The following STAU2 variants were observed in gnomAD, a reference collection of about 807,000 sequenced individuals.
STAU2 encodes double-stranded RNA-binding protein Staufen homolog 2.
STAU2 carries 20 observed loss-of-function variants against 65.9 expected under a neutral mutation model. That is an observed-to-expected ratio of 0.30 (90% CI 0.21 to 0.44). The LOEUF is 0.44. Ranked by LOEUF, STAU2 falls within the 20% of genes least tolerant of loss-of-function variation. The probability of loss-of-function intolerance (pLI) is 1.00; values close to 1 mark genes in which losing one functional copy is unlikely to be tolerated. For synonymous variants in STAU2, 232 were observed against 233.9 expected (o/e 0.99, Z 0.07); for missense variants, 558 against 683.9 (o/e 0.82, Z 2.05).
At chr8:73,546,123 CTTT>C (rs71561528) in intron 13 of STAU2, among the ~76,000 whole-genome samples, 993 of 93,304 alleles carry the variant, frequency 0.011, 9 homozygotes, top group African/African-American at 0.038. Flanking sequence ...GTTTGGTTTT[CTTT>C]TTTTTTTTTT....
chr8:73,637,477 TAAA>T (rs60833468), intron 6 of STAU2, among the ~76,000 whole-genome samples: 567 of 57,066 alleles, frequency 9.9e-3, no homozygotes, highest in African/African-American at 0.024. Flanking sequence ...GTGCTGAAAG[TAAA>T]AAAAAAAAAA....
At chr8:73,663,787 T>C (rs57596403) in intron 6 of STAU2, among the ~76,000 whole-genome samples, 30,715 of 152,054 alleles carry the variant, frequency 0.2, 3,462 homozygotes, top group East Asian at 0.37. Context: ...TTTATTAAAT[T>C]TATCTCTGAA....
At chr8:73,682,111 A>G (rs1818472959) in intron 5 of STAU2, among the ~76,000 whole-genome samples, 1 of 152,142 alleles carries the variant, frequency 6.6e-6, no homozygotes. Flanking sequence ...CTTAAACTAT[A>G]CCCTACAACA....
chr8:73,693,192 G>A (rs2130553929), intron 4 of STAU2, among the ~76,000 whole-genome samples: 1 of 151,068 alleles, frequency 6.6e-6, no homozygotes, highest in Non-Finnish European at 1.5e-5. Flanking sequence ...AAAAAAAGTG[G>A]GCTGGGTGCG....
intron 13 of STAU2, among the ~76,000 whole-genome samples, chr8:73,425,425 G>A (rs1369931561): frequency 1.3e-5 from 2 of 152,138 alleles, no homozygotes; most frequent in Non-Finnish European, 2.9e-5. Context: ...TGAGGAGAGG[G>A]GCCTGGGACA....
chr8:73,431,626 T>G (rs1386291802), intron 13 of STAU2, among the ~76,000 whole-genome samples: 1 of 152,172 alleles, frequency 6.6e-6, no homozygotes, highest in Non-Finnish European at 1.5e-5. Context: ...GCCCCACAGG[T>G]TTTAGAACAG....
intron 6 of STAU2, among the ~76,000 whole-genome samples, chr8:73,656,735 C>T (rs1272030490): frequency 6.6e-6 from 1 of 152,176 alleles, no homozygotes; most frequent in Non-Finnish European, 1.5e-5. Context: ...ATGGTAAACA[C>T]CCGCTGTCAA....
At chr8:73,615,327 T>C (rs1309588787) in intron 8 of STAU2, among the ~76,000 whole-genome samples, 1 of 152,158 alleles carries the variant, frequency 6.6e-6, no homozygotes, top group Non-Finnish European at 1.5e-5. Flanking sequence ...TATTAACATG[T>C]ATGTCACTAA....
intron 13 of STAU2, among the ~76,000 whole-genome samples, chr8:73,438,042 C>T (rs1222718278): frequency 6.6e-6 from 1 of 152,212 alleles, no homozygotes; most frequent in Non-Finnish European, 1.5e-5. Context: ...GCCATCCCTT[C>T]TCCACTGGCT....
chr8:73,544,862 G>C (rs1361036697), intron 13 of STAU2, among the ~76,000 whole-genome samples: 1 of 152,190 alleles, frequency 6.6e-6, no homozygotes, highest in African/African-American at 2.4e-5. Context: ...CAGGAGACAG[G>C]ATTTGTGGCC....
At chr8:73,734,120 A>G (rs1351432342) in intron 3 of STAU2, among the ~76,000 whole-genome samples, 1 of 152,064 alleles carries the variant, frequency 6.6e-6, no homozygotes, top group Admixed American at 6.6e-5. Flanking sequence ...ACATAAAAAC[A>G]TACCTGCATA....
rs752544609 is a variant in STAU2 at position 73,688,641 on chromosome 8, G to C, written c.274+13C>G. ...CATAGCAGACAACATAACAGAAGGA[G>C]TCACTGCCATACCTGGGTTATTGTT... On this transcript the variant is annotated intron_variant, in intron 5 of 14. Transcript: ENST00000524300. 6.2e-7 allele frequency: 1 copy of C among 1,613,890 alleles called. No individual in the cohort carries two copies. The highest frequency in any genetic ancestry group is 8.5e-7 in the Non-Finnish European group (1 of 1,179,910).
intron 9 of STAU2, among the ~76,000 whole-genome samples, chr8:73,604,281 T>A (rs188644991): frequency 3.2e-4 from 49 of 152,228 alleles, no homozygotes; most frequent in African/African-American, 1.1e-3. Context: ...CAGGCTGGAG[T>A]GTGGTAGTGC....
intron 12 of STAU2, among the ~76,000 whole-genome samples, chr8:73,576,824 T>G (rs1303349757): frequency 6.6e-6 from 1 of 152,196 alleles, no homozygotes. Context: ...TCCTTATGCT[T>G]ACTGTAAAGT....
chr8:73,724,675 G>GTA (rs1554571841), intron 3 of STAU2, among the ~76,000 whole-genome samples: 9 of 138,098 alleles, frequency 6.5e-5, no homozygotes, highest in South Asian at 2.3e-4. Flanking sequence ...GTGTGTGTGT[G>GTA]TATATATATA....
intron 13 of STAU2, among the ~76,000 whole-genome samples, chr8:73,503,478 A>G (rs1821875053): frequency 6.6e-6 from 1 of 152,020 alleles, no homozygotes; most frequent in South Asian, 2.1e-4. Context: ...TGACCTAAAC[A>G]GTGAATTACT....
At chr8:73,570,243 A>C (rs1039117944) in intron 12 of STAU2, among the ~76,000 whole-genome samples, 2 of 152,214 alleles carry the variant, frequency 1.3e-5, no homozygotes, top group Non-Finnish European at 2.9e-5. Context: ...TAATGAAATA[A>C]AGCGAGAAGT....
intron 2 of STAU2, among the ~76,000 whole-genome samples, chr8:73,739,279 A>AAGGGC (rs1477370259): frequency 6.6e-6 from 1 of 151,818 alleles, no homozygotes; most frequent in Non-Finnish European, 1.5e-5. Flanking sequence ...GATGCCAATG[A>AAGGGC]AGGGCAGGAA....
intron 3 of STAU2, among the ~76,000 whole-genome samples, chr8:73,734,512 T>A (rs1806292273): frequency 6.6e-6 from 1 of 152,138 alleles, no homozygotes; most frequent in Non-Finnish European, 1.5e-5. Flanking sequence ...AAAAACCATG[T>A]AGGCCGGGCA....
Sources: gnomAD v4.1 joint callset for allele counts (sites outside exome capture counted in the v4.1 genomes callset) on GRCh38, gnomAD v4.1.1 for gene constraint, MANE v1.5 for transcripts, NCBI Gene and HGNC (gene_info 2026-07-23, HGNC 2026-07-21) for gene names.